The following NCBP2L variants were observed in gnomAD, a reference collection of about 807,000 sequenced individuals.
NCBP2L encodes the protein nuclear cap binding protein subunit 2 like.
For missense variants in NCBP2L, 95 were observed against 53.1 expected (o/e 1.79, Z -2.45); for synonymous variants, 39 against 19.2 (o/e 2.04, Z -2.70).
chrX:107,782,273 ATAAATATATATAAAT>A (rs1930319560), intron 1 of NCBP2L, among the ~76,000 whole-genome samples: 5 of 28,042 alleles, frequency 1.8e-4, no homozygotes, highest in African/African-American at 4.6e-4. Context: ...ATATATATAT[ATAAATATATATAAAT>A]ATATATATAT....
chrX:107,784,648 A>C (rs1270543407), intron 1 of NCBP2L, among the ~76,000 whole-genome samples: 1 of 108,865 alleles, frequency 9.2e-6, no homozygotes, highest in African/African-American at 3.4e-5. Flanking sequence ...TGGTGTTCTC[A>C]AGTTGTGGTC....
intron 1 of NCBP2L, among the ~76,000 whole-genome samples, chrX:107,782,326 A>ATAAATATATATATAAATATAT (rs1930328843): frequency 3.3e-5 from 1 of 30,514 alleles, no homozygotes; most frequent in Non-Finnish European, 4.3e-5. Flanking sequence ...TATATATATA[A>ATAAATATATATATAAATATAT]ATATATATAT....
intron 1 of NCBP2L, among the ~76,000 whole-genome samples, chrX:107,779,306 T>TACCACTA (rs1330243829): frequency 8.9e-6 from 1 of 112,659 alleles, no homozygotes; most frequent in Non-Finnish European, 1.9e-5. Context: ...AAGTCACAGG[T>TACCACTA]ACCACTAACA....
At chrX:107,781,678 C>CTATCTATCTATCTA (rs1283631007) in intron 1 of NCBP2L, among the ~76,000 whole-genome samples, 108 of 71,011 alleles carry the variant, frequency 1.5e-3, no homozygotes, top group African/African-American at 4.5e-3. Flanking sequence ...ATCTATCTAT[C>CTATCTATCTATCTA]TCTCTCTCTC....
At chrX:107,778,032 T>C (rs1808940278) in intron 1 of NCBP2L, among the ~76,000 whole-genome samples, 174 bp downstream of exon 1, 1 of 110,612 alleles carries the variant, frequency 9.0e-6, no homozygotes, top group African/African-American at 3.3e-5. Flanking sequence ...TTTTAAATGT[T>C]CTTGGGTAAA....
intron 1 of NCBP2L, among the ~76,000 whole-genome samples, chrX:107,781,812 C>A (rs1348382538): frequency 2.1e-4 from 20 of 93,822 alleles, no homozygotes; most frequent in Admixed American, 1.8e-3. Context: ...ATATAGATAT[C>A]TAGATATCTA....
chrX:107,788,610 G>A (rs1004437329), intron 1 of NCBP2L, among the ~76,000 whole-genome samples: 13 of 112,162 alleles, frequency 1.2e-4, no homozygotes, highest in South Asian at 7.4e-4. Flanking sequence ...CGTAGTGCTC[G>A]CTGTGTAGTT....
rs1306466951 is a variant in NCBP2L at position 107,781,664 on chromosome X, A to ATCTCTCTCTCTC, written c.-73+3809_-73+3810insCTCTCTCTCTCT. ...CTATCTATCTATCATCTATCTATCTATCTATCTATCTATCTCTCTCTCTCT... is the reference window on the plus strand; with the variant it reads ...CTATCTATCTATCATCTATCTATCTATCTCTCTCTCTCTCTATCTATCTATCTCTCTCTCTCT... On this transcript the variant is annotated intron_variant, in intron 1 of 1. Transcript: ENST00000509000. Among the ~76,000 whole-genome samples, 10 of 65,422 alleles carry ATCTCTCTCTCTC rather than the reference A, an allele frequency of 1.5e-4. 1 individual carries two copies. Among genetic ancestry groups the ATCTCTCTCTCTC allele is most frequent in the Non-Finnish European group, 2.0e-4 (8 of 40,158 alleles). The allele number at this position is 65,422 out of a possible 115,157, so 56.8% of individuals were successfully genotyped here.
intron 1 of NCBP2L, among the ~76,000 whole-genome samples, chrX:107,783,382 T>A (rs1930353977): frequency 2.0e-5 from 2 of 98,429 alleles, no homozygotes; most frequent in African/African-American, 7.5e-5. Flanking sequence ...TTTTTTTTAT[T>A]TTTTATTTTA....
chrX:107,782,254 TATATATAAATATATATATATAA>T (rs1569457267), intron 1 of NCBP2L, among the ~76,000 whole-genome samples: 310 of 27,174 alleles, frequency 0.011, 51 homozygotes, highest in African/African-American at 0.073. Context: ...TATATAAATA[TATATATAAATATATATATATAA>T]ATATATATAA....
intron 1 of NCBP2L, among the ~76,000 whole-genome samples, chrX:107,781,647 CT>C (rs1242487810): frequency 1.4e-5 from 1 of 70,196 alleles, no homozygotes; most frequent in Non-Finnish European, 2.6e-5. Flanking sequence ...ATCTATCTAT[CT>C]ATCATCTATC....
At chrX:107,790,195 C>G (rs1351535265) in intron 1 of NCBP2L, among the ~76,000 whole-genome samples, 5 of 112,019 alleles carry the variant, frequency 4.5e-5, no homozygotes, top group Non-Finnish European at 9.4e-5. Flanking sequence ...GTCACCAAGA[C>G]CTGTTCAGTC....
intron 1 of NCBP2L, among the ~76,000 whole-genome samples, chrX:107,780,343 C>T (rs1167676022): frequency 2.7e-5 from 3 of 111,237 alleles, no homozygotes; most frequent in Non-Finnish European, 5.7e-5. Context: ...CTAGACCAAC[C>T]TCCTTATATA....
intron 1 of NCBP2L, among the ~76,000 whole-genome samples, chrX:107,778,634 C>T (rs1167993819): frequency 2.7e-5 from 3 of 112,038 alleles, no homozygotes; most frequent in African/African-American, 9.7e-5. Flanking sequence ...GATGGAGAGA[C>T]TCCAAGCAGC....
intron 1 of NCBP2L, among the ~76,000 whole-genome samples, chrX:107,781,881 G>C (rs771559141): frequency 6.0e-5 from 5 of 82,870 alleles, no homozygotes; most frequent in Admixed American, 1.4e-4. Context: ...ACGGAGTCTC[G>C]CTCTGTCTAA....
At chrX:107,782,592 A>G (rs2147806266) in intron 1 of NCBP2L, among the ~76,000 whole-genome samples, 1 of 103,026 alleles carries the variant, frequency 9.7e-6, no homozygotes, top group East Asian at 3.0e-4. Flanking sequence ...TGAAGCTTTG[A>G]ACCCTTTGAC....
intron 1 of NCBP2L, among the ~76,000 whole-genome samples, chrX:107,788,615 G>A (rs186416880): frequency 1.8e-5 from 2 of 112,404 alleles, no homozygotes; most frequent in East Asian, 2.8e-4. Flanking sequence ...TGCTCGCTGT[G>A]TAGTTTGACC....
chrX:107,790,636 G>C (rs991094397), intron 1 of NCBP2L, among the ~76,000 whole-genome samples: 2 of 111,186 alleles, frequency 1.8e-5, no homozygotes, highest in African/African-American at 6.6e-5. Flanking sequence ...ATGACCCCTT[G>C]GTCTTCCAGT....
intron 1 of NCBP2L, among the ~76,000 whole-genome samples, chrX:107,778,620 G>A (rs893698012): frequency 2.1e-4 from 24 of 112,158 alleles, no homozygotes; most frequent in Non-Finnish European, 3.9e-4. Context: ...CATATATTGC[G>A]TTGGATGGAG....
Sources: gnomAD v4.1 joint callset for allele counts (sites outside exome capture counted in the v4.1 genomes callset) on GRCh38, gnomAD v4.1.1 for gene constraint, MANE v1.5 for transcripts, NCBI Gene and HGNC (gene_info 2026-07-23, HGNC 2026-07-21) for gene names.